The following TAB2 variants were observed in gnomAD, a reference collection of about 807,000 sequenced individuals.
TAB2 encodes the protein TGF-beta activated kinase 1 (MAP3K7) binding protein 2.
Under a neutral mutation model 65.0 loss-of-function variants are expected in TAB2, and 3 were observed. That is an observed-to-expected ratio of 0.05 (90% confidence interval 0.02 to 0.12). TAB2 has a LOEUF of 0.12. Ranked by LOEUF, TAB2 falls within the 10% of genes least tolerant of loss-of-function variation. The pLI is 1.00. For missense variants in TAB2, 623 were observed against 840.3 expected (o/e 0.74, Z 3.20); for synonymous variants, 298 against 285.1 (o/e 1.05, Z -0.46).
intron 1 of TAB2, among the ~76,000 whole-genome samples, chr6:149,234,215 T>A (rs187116513): frequency 2.0e-3 from 303 of 152,326 alleles, no homozygotes; most frequent in Non-Finnish European, 2.9e-3. Flanking sequence ...AAGCAGACTA[T>A]CTGATAAAAT....
chr6:149,368,449 C>G (rs1488364696), intron 1 of TAB2, among the ~76,000 whole-genome samples: 2 of 151,944 alleles, frequency 1.3e-5, no homozygotes, highest in African/African-American at 4.8e-5. Flanking sequence ...ACAACCCTTT[C>G]CAGGAGTTTT....
At chr6:149,338,537 G>C (rs1412208021) in intron 1 of TAB2, among the ~76,000 whole-genome samples, 1 of 152,188 alleles carries the variant, frequency 6.6e-6, no homozygotes, top group Non-Finnish European at 1.5e-5. Flanking sequence ...AAGTTGAGGA[G>C]GGAAACTAGT....
chr6:149,386,144 G>T (rs76521575), intron 3 of TAB2, among the ~76,000 whole-genome samples: 2 of 152,106 alleles, frequency 1.3e-5, no homozygotes, highest in South Asian at 2.1e-4. Flanking sequence ...ACATGGGTCT[G>T]TGAACACACG....
chr6:149,297,014 T>C (rs1778888346), intron 1 of TAB2, among the ~76,000 whole-genome samples: 1 of 152,192 alleles, frequency 6.6e-6, no homozygotes, highest in African/African-American at 2.4e-5. Context: ...TTAGATTCAC[T>C]AATTGGTAAA....
At chr6:149,360,056 T>C (rs11155645) in intron 1 of TAB2, among the ~76,000 whole-genome samples, 35,910 of 152,182 alleles carry the variant, frequency 0.24, 4,435 homozygotes, top group Non-Finnish European at 0.26. Flanking sequence ...CTCTATAGTT[T>C]GTATACTCCG....
chr6:149,380,920 C>G (rs941382013), intron 3 of TAB2, among the ~76,000 whole-genome samples: 2 of 152,096 alleles, frequency 1.3e-5, no homozygotes, highest in African/African-American at 4.8e-5. Context: ...GGGTTGTGGT[C>G]CTTTCGAATT....
chr6:149,271,710 T>A (rs1197621125), intron 1 of TAB2, among the ~76,000 whole-genome samples: 2 of 151,760 alleles, frequency 1.3e-5, no homozygotes, highest in Non-Finnish European at 2.9e-5. Flanking sequence ...TATGGAAGAG[T>A]CTACGTAGGG....
intron 1 of TAB2, among the ~76,000 whole-genome samples, chr6:149,319,691 G>C (rs1406910244): frequency 6.6e-6 from 1 of 152,170 alleles, no homozygotes; most frequent in Non-Finnish European, 1.5e-5. Flanking sequence ...AATCTTTCAA[G>C]AATCAAACTG....
intron 1 of TAB2, among the ~76,000 whole-genome samples, chr6:149,319,298 T>C (rs552997889): frequency 5.2e-4 from 79 of 152,386 alleles, no homozygotes; most frequent in African/African-American, 1.8e-3. Context: ...TAGCAGAGTA[T>C]TGACACCTTT....
chr6:149,275,055 A>C (rs977947066), intron 1 of TAB2, among the ~76,000 whole-genome samples: 10 of 151,902 alleles, frequency 6.6e-5, no homozygotes, highest in Non-Finnish European at 1.5e-4. Flanking sequence ...AAGAAAACAA[A>C]GAACTGGAGG....
intron 1 of TAB2, among the ~76,000 whole-genome samples, chr6:149,250,544 G>A (rs542765797): frequency 2.6e-5 from 4 of 152,250 alleles, no homozygotes; most frequent in South Asian, 2.1e-4. Context: ...GACCTCAGGC[G>A]ATCTGCCCAC....
chr6:149,294,756 T>C (rs1778844951), intron 1 of TAB2, among the ~76,000 whole-genome samples: 1 of 152,212 alleles, frequency 6.6e-6, no homozygotes, highest in Admixed American at 6.5e-5. Context: ...AAAAGATACC[T>C]ACAAACTGGA....
chr6:149,250,387 C>A (rs926814241), intron 1 of TAB2, among the ~76,000 whole-genome samples: 3 of 152,016 alleles, frequency 2.0e-5, no homozygotes, highest in Non-Finnish European at 4.4e-5. Context: ...CTCACTGCAA[C>A]CTCTGCCTCC....
chr6:149,385,488 T>C (rs1316008394), intron 3 of TAB2, among the ~76,000 whole-genome samples: 2 of 152,218 alleles, frequency 1.3e-5, no homozygotes, highest in African/African-American at 4.8e-5. Flanking sequence ...GTAGCAAGAC[T>C]TTGTCTCTAA....
At chr6:149,333,173 G>T (rs552811662) in intron 1 of TAB2, among the ~76,000 whole-genome samples, 20 of 152,310 alleles carry the variant, frequency 1.3e-4, no homozygotes, top group South Asian at 6.2e-4. Context: ...GATTGTTTTC[G>T]AAAGTAAATG....
chr6:149,226,306 G>T (rs1237201129), intron 1 of TAB2, among the ~76,000 whole-genome samples: 1 of 152,160 alleles, frequency 6.6e-6, no homozygotes, highest in Non-Finnish European at 1.5e-5. Flanking sequence ...ACGGGTAGGA[G>T]AAGTGCGAGG....
chr6:149,390,898 T>C (rs1163544234), intron 3 of TAB2, among the ~76,000 whole-genome samples: 1 of 152,226 alleles, frequency 6.6e-6, no homozygotes, highest in Non-Finnish European at 1.5e-5. Context: ...GTTGTTGTTG[T>C]TCTCTGCCTT....
intron 3 of TAB2, among the ~76,000 whole-genome samples, chr6:149,397,330 A>G (rs1316372092): frequency 1.3e-5 from 2 of 152,090 alleles, no homozygotes; most frequent in Non-Finnish European, 2.9e-5. Flanking sequence ...AATCCCAGCT[A>G]CTTGGGAGGC....
intron 3 of TAB2, among the ~76,000 whole-genome samples, chr6:149,395,410 T>G (rs990000379): frequency 1.3e-5 from 2 of 152,240 alleles, no homozygotes; most frequent in Non-Finnish European, 2.9e-5. Context: ...CTATCTAGGT[T>G]TAATTAAATT....
Sources: allele counts gnomAD v4.1 joint callset (sites outside exome capture counted in the v4.1 genomes callset), GRCh38; gene constraint gnomAD v4.1.1; transcripts MANE v1.5; gene names NCBI Gene and HGNC (gene_info 2026-07-23, HGNC 2026-07-21).